The following FNDC1 variants were observed in gnomAD, a reference collection of about 807,000 sequenced individuals.
FNDC1 encodes fibronectin type III domain containing 1.
In FNDC1, 96 loss-of-function variants were observed where a neutral mutation model predicts 168.0. The ratio of observed to expected loss-of-function variants is 0.57; its 90% confidence interval spans 0.48 to 0.68. The LOEUF (loss-of-function observed/expected upper bound fraction) is 0.68, where lower values mean the gene tolerates loss of function less well. FNDC1 is among the 30% of genes least tolerant of loss of function. The pLI, the probability that FNDC1 is intolerant of heterozygous loss-of-function variation, is 0.00. For synonymous variants in FNDC1, 1,099 were observed against 1,025.9 expected (o/e 1.07, Z -1.36); for missense variants, 2,587 against 2,482.1 (o/e 1.04, Z -0.90).
At chr6:159,267,197 C>G (rs1312913771) in intron 21 of FNDC1, among the ~76,000 whole-genome samples, 1 of 152,104 alleles carries the variant, frequency 6.6e-6, no homozygotes, top group East Asian at 1.9e-4. Context: ...ATATGCTTCT[C>G]CCAACAAGTA....
chr6:159,235,622 A>G (rs748866219), intron 11 of FNDC1, among the ~76,000 whole-genome samples: 2 of 152,222 alleles, frequency 1.3e-5, no homozygotes, highest in Non-Finnish European at 2.9e-5. Flanking sequence ...GATGAGAAAC[A>G]TCTCCATGTG....
intron 22 of FNDC1, 39 bp from the exon 23 acceptor site, chr6:159,271,288 G>T: frequency 1.4e-6 from 2 of 1,435,904 alleles, no homozygotes; most frequent in South Asian, 2.4e-5. Flanking sequence ...TTGGTTCAGG[G>T]GCCTCTGACG....
At chr6:159,250,687 A>G (rs1211124648) in intron 16 of FNDC1, among the ~76,000 whole-genome samples, 1 of 152,202 alleles carries the variant, frequency 6.6e-6, no homozygotes, top group Non-Finnish European at 1.5e-5. Context: ...GTATCCCCTG[A>G]AATAAAGTAT....
rs1782885937 is a variant in FNDC1 at position 159,223,614 on chromosome 6, C to G, written c.853C>G (p.Leu285Val). The change falls in exon 7 of 23, where the codon CTG becomes GTG. Residue 285 changes from leucine (L) to valine (V), a missense_variant. By Grantham distance (32) the Leu-to-Val change is conservative. Coordinates refer to ENST00000297267, the MANE Select transcript of FNDC1 (RefSeq NM_032532.3). ...SVLVSWVDPV[L>V]EKQKKVVASR... The stretch of plus-strand genomic sequence containing the variant: ...GCTTGTGTCCTGGGTGGATCCTGTT[C>G]TGGAAAAACAGAAGAAAGTTGTTGC... 2 of 1,612,766 alleles carry G rather than the reference C, an allele frequency of 1.2e-6. No individual in the cohort carries two copies. Among genetic ancestry groups the G allele is most frequent in the African/African-American group, 1.3e-5 (1 of 74,828 alleles).
rs1260117340 is a variant in FNDC1, at chr6:159,264,981, C to T, written c.5261C>T (p.Pro1754Leu). 1 of 1,605,432 alleles carries T rather than the reference C, an allele frequency of 6.2e-7. No individual in the cohort carries two copies. The highest frequency in any genetic ancestry group is 8.5e-7 in the Non-Finnish European group (1 of 1,175,312). Residue 1754 changes from proline to leucine, a missense_variant, in exon 20 of 23, where the codon CCT becomes CTT. Physicochemically the swap from Pro to Leu is moderately conservative, Grantham distance 98 (BLOSUM62 -3). Transcript: ENST00000297267. ...TTTCTTTTTCATTCTACAGATAATC[C>T]TCTGCTTGTTGTGAGGCCCCCAGGT... ...SVSFVTESDN[P>L]LLVVRPPGGE...
chr6:159,181,418 T>C (rs968836495), intron 1 of FNDC1, among the ~76,000 whole-genome samples: 14 of 152,222 alleles, frequency 9.2e-5, no homozygotes, highest in Non-Finnish European at 2.1e-4. Flanking sequence ...CCTTCACTGA[T>C]AGATTAAATA....
At chr6:159,218,944 C>T (rs1286300230) in intron 5 of FNDC1, among the ~76,000 whole-genome samples, 1 of 151,968 alleles carries the variant, frequency 6.6e-6, no homozygotes, top group Non-Finnish European at 1.5e-5. Flanking sequence ...CCATTACACA[C>T]TTGAGGTCGG....
intron 1 of FNDC1, among the ~76,000 whole-genome samples, chr6:159,194,186 C>CA (rs1782195601): frequency 6.6e-6 from 1 of 152,196 alleles, no homozygotes; most frequent in Non-Finnish European, 1.5e-5. Context: ...CCTTAGGCTA[C>CA]AACTTAAGCT....
intron 17 of FNDC1, among the ~76,000 whole-genome samples, chr6:159,253,974 T>A (rs1390976381): frequency 6.6e-6 from 1 of 152,204 alleles, no homozygotes. Context: ...GACTGCACTG[T>A]GCCAGACGGG....
chr6:159,171,007 G>T (rs1418286718), intron 1 of FNDC1, among the ~76,000 whole-genome samples: 1 of 152,144 alleles, frequency 6.6e-6, no homozygotes, highest in Non-Finnish European at 1.5e-5. Context: ...TCTGAAACTG[G>T]AACCAGTGCT....
chr6:159,215,783 T>C (rs1476838893), intron 5 of FNDC1, among the ~76,000 whole-genome samples: 1 of 152,182 alleles, frequency 6.6e-6, no homozygotes, highest in Admixed American at 6.5e-5. Flanking sequence ...GGATGTAGGC[T>C]GGGACGCTAG....
intron 11 of FNDC1, among the ~76,000 whole-genome samples, chr6:159,234,972 G>C (rs1783213713): frequency 6.6e-6 from 1 of 152,180 alleles, no homozygotes; most frequent in South Asian, 2.1e-4. Flanking sequence ...TCTTGTTCTT[G>C]TCTTTATCTT....
intron 21 of FNDC1, among the ~76,000 whole-genome samples, chr6:159,266,728 C>T (rs978315526): frequency 2.3e-4 from 34 of 145,800 alleles, no homozygotes; most frequent in Non-Finnish European, 3.9e-4. Flanking sequence ...TGAGTACGAG[C>T]GTGAGCTGGA....
intron 4 of FNDC1, among the ~76,000 whole-genome samples, chr6:159,208,100 C>T (rs191536253): frequency 2.0e-5 from 3 of 152,280 alleles, no homozygotes; most frequent in South Asian, 2.1e-4. Context: ...TATACACTCA[C>T]GCCAATAACG....
chr6:159,223,429 A>G lies in FNDC1; in HGVS notation c.767-99A>G, dbSNP rs911104224. ...CTACATTACACACAAGCAATCTAAAACTTATGCAGGGTGAATAATAGCCTG... is the reference window on the plus strand; with the variant it reads ...CTACATTACACACAAGCAATCTAAAGCTTATGCAGGGTGAATAATAGCCTG... On this transcript the variant is annotated intron_variant, in intron 6 of 22. Coordinates refer to ENST00000297267, the MANE Select transcript of FNDC1 (RefSeq NM_032532.3). 4.7e-6 allele frequency: 3 copies of G among 632,752 alleles called. No individual in the cohort carries two copies. The African/African-American group carries it at 5.6e-5, about 12-fold the overall frequency. The allele number at this position is 632,752 out of a possible 1,614,324, so 39.2% of individuals were successfully genotyped here.
intron 1 of FNDC1, among the ~76,000 whole-genome samples, chr6:159,187,285 C>T (rs1271166256): frequency 1.3e-5 from 2 of 152,154 alleles, no homozygotes; most frequent in African/African-American, 2.4e-5. Context: ...CGATCTGCTT[C>T]CATTGCTGTC....
At chr6:159,258,105 T>C (rs151011201) in intron 18 of FNDC1, among the ~76,000 whole-genome samples, 6 of 152,146 alleles carry the variant, frequency 3.9e-5, no homozygotes, top group East Asian at 1.9e-4. Flanking sequence ...TTTTGAGTCA[T>C]GTCAGGAGGG....
At chr6:159,269,150 A>G (rs1238107350) in intron 22 of FNDC1, among the ~76,000 whole-genome samples, 2 of 133,126 alleles carry the variant, frequency 1.5e-5, no homozygotes, top group Non-Finnish European at 3.1e-5. Context: ...CTATCTATCC[A>G]TCTGTCTATG....
At chr6:159,198,329 A>G (rs2114946503) in intron 2 of FNDC1, among the ~76,000 whole-genome samples, 1 of 152,350 alleles carries the variant, frequency 6.6e-6, no homozygotes, top group African/African-American at 2.4e-5. Flanking sequence ...TTTAGGAAAC[A>G]GGTCTCCTCT....
Sources: gnomAD v4.1 joint callset for allele counts (sites outside exome capture counted in the v4.1 genomes callset) on GRCh38, gnomAD v4.1.1 for gene constraint, MANE v1.5 for transcripts, NCBI Gene and HGNC (gene_info 2026-07-23, HGNC 2026-07-21) for gene names.